Variants in AKR1B15 observed in about 807,000 individuals in gnomAD.
AKR1B15 encodes aldo-keto reductase family 1 member B15.
AKR1B15 carries 49 observed loss-of-function variants against 38.5 expected under a neutral mutation model. The observed-to-expected ratio is 1.27, with a 90% confidence interval of 1.01 to 1.62. AKR1B15 has a LOEUF of 1.62. Among genes scored for constraint, AKR1B15 ranks in the 40% most tolerant of loss-of-function variants. The probability of loss-of-function intolerance (pLI) is 0.00; values close to 1 mark genes in which losing one functional copy is unlikely to be tolerated. For synonymous variants in AKR1B15, 137 were observed against 135.5 expected, an observed-to-expected ratio of 1.01 and a Z score of -0.08; for missense variants, 411 against 381.6, an observed-to-expected ratio of 1.08 and a Z score of -0.64.
chr7:134,570,933 C>A (rs1794655228), intron 5 of AKR1B15, among the ~76,000 whole-genome samples: 1 of 152,196 alleles, frequency 6.6e-6, no homozygotes, highest in South Asian at 2.1e-4. Flanking sequence ...CCTGGGGTTG[C>A]CCTCCCAGGA....
At chr7:134,572,927 G>A (rs1301637685) in intron 6 of AKR1B15, among the ~76,000 whole-genome samples, 1 of 152,184 alleles carries the variant, frequency 6.6e-6, no homozygotes, top group Non-Finnish European at 1.5e-5. Context: ...TTTTACACGG[G>A]AAAATATATT....
chr7:134,566,060 C>A (rs897226318), intron 3 of AKR1B15, among the ~76,000 whole-genome samples: 1 of 152,142 alleles, frequency 6.6e-6, no homozygotes. Flanking sequence ...TTGGGAGATC[C>A]AGACGAGAGG....
intron 4 of AKR1B15, 90 bp downstream of exon 4, chr7:134,568,415 T>C: frequency 6.5e-7 from 1 of 1,547,778 alleles, no homozygotes; most frequent in Non-Finnish European, 8.8e-7. Context: ...TGTCGGCCTT[T>C]TCTACGTGTA....
At chr7:134,552,805 C>T (rs996922275) in intron 1 of AKR1B15, among the ~76,000 whole-genome samples, 3 of 152,234 alleles carry the variant, frequency 2.0e-5, no homozygotes, top group South Asian at 2.1e-4. Flanking sequence ...TATCCTGGCT[C>T]GGTAGACACC....
Position 134,568,231 on chromosome 7 carries a change from A to G in AKR1B15, c.224A>G (p.Tyr75Cys), listed in dbSNP as rs778219019. The G allele has an allele frequency of 1.2e-6, 2 of 1,614,126 alleles. No homozygotes were observed. The highest frequency in any genetic ancestry group is 1.7e-6 in the Non-Finnish European group (2 of 1,179,994). ...GAATATCGCCACATTGACTGTGCCT[A>G]TTTCTATGAGAATCAACATGAGGTG... The part of the protein sequence containing the change: ...DAEYRHIDCA[Y>C]FYENQHEVGE... Residue 75 changes from tyrosine (Y) to cysteine (C), a missense_variant, in exon 4 of 12, where the codon TAT becomes TGT. Physicochemically the swap from Tyr to Cys is radical, Grantham distance 194. Transcript: ENST00000457545.
intron 2 of AKR1B15, among the ~76,000 whole-genome samples, chr7:134,557,999 G>A (rs75103584): frequency 0.015 from 2,313 of 152,208 alleles, 63 homozygotes; most frequent in African/African-American, 0.053. Flanking sequence ...ATAAAAATAG[G>A]AGCTAAAGAA....
chr7:134,569,848 G>A, intron 5 of AKR1B15: 2 of 276,226 alleles, frequency 7.2e-6, no homozygotes, highest in South Asian at 8.4e-5. Context: ...GTCGCCTCAG[G>A]ACCCTGTGAT....
chr7:134,555,408 G>T (rs1266521667), intron 1 of AKR1B15, among the ~76,000 whole-genome samples: 1 of 151,952 alleles, frequency 6.6e-6, no homozygotes, highest in South Asian at 2.1e-4. Flanking sequence ...CATCATTCTC[G>T]CATCAAAAAG....
chr7:134,579,473 C>T, intron 11 of AKR1B15, 34 bp from the exon 12 acceptor site: 1 of 1,532,520 alleles, frequency 6.5e-7, no homozygotes, highest in Non-Finnish European at 8.8e-7. Flanking sequence ...TTTGATGGAA[C>T]ACAGTTTCTT....
intron 2 of AKR1B15, among the ~76,000 whole-genome samples, chr7:134,562,882 CTTTCT>C (rs1193864841): frequency 7.7e-6 from 1 of 130,140 alleles, no homozygotes; most frequent in East Asian, 2.1e-4. Flanking sequence ...TTCTTTCTTT[CTTTCT>C]TTCCTTCTTT....
chr7:134,573,499 G>A, intron 6 of AKR1B15: 1 of 985,450 alleles, frequency 1.0e-6, no homozygotes, highest in Non-Finnish European at 1.2e-6. Context: ...CATTGATCAA[G>A]TTCAGAGGCT....
intron 3 of AKR1B15, chr7:134,565,613 A>C: frequency 6.3e-7 from 1 of 1,595,698 alleles, no homozygotes; most frequent in South Asian, 1.1e-5. Flanking sequence ...CTCTTTCTAC[A>C]TTCAGCCAGA....
intron 2 of AKR1B15, among the ~76,000 whole-genome samples, chr7:134,558,546 T>A (rs1365626159): frequency 1.6e-4 from 25 of 152,164 alleles, no homozygotes; most frequent in Admixed American, 1.6e-3. Context: ...CTCCTTGGCA[T>A]CCATCCTCCA....
At chr7:134,562,227 C>T (rs1235332460) in intron 2 of AKR1B15, among the ~76,000 whole-genome samples, 4 of 152,194 alleles carry the variant, frequency 2.6e-5, no homozygotes, top group Admixed American at 6.5e-5. Flanking sequence ...TGTTACAGTT[C>T]TTAAAGATGG....
chr7:134,569,701 T>A (rs1460400860), intron 5 of AKR1B15, 172 bp downstream of exon 5: 4 of 619,198 alleles, frequency 6.5e-6, no homozygotes, highest in Non-Finnish European at 1.1e-5. Flanking sequence ...ACGCCTGTCT[T>A]TACTGCAATC....
intron 4 of AKR1B15, among the ~76,000 whole-genome samples, 172 bp from the exon 5 acceptor site, chr7:134,569,241 G>A (rs1447182169): frequency 6.6e-6 from 1 of 152,232 alleles, no homozygotes; most frequent in African/African-American, 2.4e-5. Flanking sequence ...ACATGTCATT[G>A]AGGTGCTGAG....
At chr7:134,566,728 T>C (rs1473278812) in intron 3 of AKR1B15, among the ~76,000 whole-genome samples, 1 of 152,146 alleles carries the variant, frequency 6.6e-6, no homozygotes, top group Non-Finnish European at 1.5e-5. Context: ...CTGACTTTTT[T>C]CCCTCTCCTG....
intron 2 of AKR1B15, among the ~76,000 whole-genome samples, chr7:134,562,870 CTTTCTTTCTTTCTTTCT>C (rs1794446482): frequency 7.1e-6 from 1 of 141,836 alleles, no homozygotes; most frequent in African/African-American, 2.7e-5. Context: ...TTCTTTCTTT[CTTTCTTTCTTTCTTTCT>C]TTCCTTCTTT....
Position 134,575,469 on chromosome 7 carries a change from C to T in AKR1B15, c.563C>T (p.Ser188Leu), listed in dbSNP as rs369029578. 12 of 1,613,768 alleles carry T rather than the reference C, an allele frequency of 7.4e-6. No individual in the cohort carries two copies. Among genetic ancestry groups the T allele is most frequent in the Non-Finnish European group, 9.3e-6 (11 of 1,179,840 alleles). Residue 188 changes from serine (S) to leucine (L), a missense_variant, in exon 7 of 12, where the codon TCA becomes TTA. Ser to Leu is a moderately radical substitution (Grantham distance 145). Transcript: ENST00000457545. Reference sequence around the variant, plus strand: ...GGGCTGGTGAAAGCCCTTGGGGTCTCAAATTTCAACCACTTCCAGATCGAG... The same window carrying T: ...GGGCTGGTGAAAGCCCTTGGGGTCTTAAATTTCAACCACTTCCAGATCGAG... ...DEGLVKALGV[S>L]NFNHFQIERL... is the part of the protein sequence containing the mutation.
Sources: gnomAD v4.1 joint callset for allele counts (sites outside exome capture counted in the v4.1 genomes callset) on GRCh38, gnomAD v4.1.1 for gene constraint, MANE v1.5 for transcripts, NCBI Gene and HGNC (gene_info 2026-07-23, HGNC 2026-07-21) for gene names.